Variants in CAMK2D observed in about 807,000 individuals in gnomAD.
CAMK2D encodes calcium/calmodulin-dependent protein kinase type II subunit delta.
Under a neutral mutation model 84.0 loss-of-function variants are expected in CAMK2D, and 37 were observed. The ratio of observed to expected loss-of-function variants is 0.44; its 90% confidence interval spans 0.34 to 0.58. CAMK2D has a LOEUF of 0.58. Among genes scored for constraint, CAMK2D ranks in the 20% least tolerant of loss-of-function variants. The pLI is 0.02. For missense variants in CAMK2D, 448 were observed against 652.5 expected (o/e 0.69, Z 3.41); for synonymous variants, 202 against 212.5 (o/e 0.95, Z 0.43).
At chr4:113,529,832 T>C (rs776854723) in intron 8 of CAMK2D, among the ~76,000 whole-genome samples, 9 of 152,182 alleles carry the variant, frequency 5.9e-5, no homozygotes, top group Admixed American at 1.3e-4. Context: ...AACATAATAC[T>C]TATTGGAAGG....
intron 4 of CAMK2D, among the ~76,000 whole-genome samples, chr4:113,601,996 C>T (rs1387871283): frequency 6.6e-6 from 1 of 152,040 alleles, no homozygotes; most frequent in Non-Finnish European, 1.5e-5. Context: ...TGTGCCCAGC[C>T]TCCTTCTTAA....
intron 6 of CAMK2D, among the ~76,000 whole-genome samples, chr4:113,543,525 T>A (rs2098545584): frequency 6.6e-6 from 1 of 152,006 alleles, no homozygotes; most frequent in Non-Finnish European, 1.5e-5. Context: ...CGGGCCTACA[T>A]ACATATTTTT....
intron 3 of CAMK2D, among the ~76,000 whole-genome samples, chr4:113,640,584 T>G (rs2099128762): frequency 6.6e-6 from 1 of 152,166 alleles, no homozygotes; most frequent in South Asian, 2.1e-4. Flanking sequence ...GTATGGAGCA[T>G]TCAACTATAG....
At chr4:113,619,014 C>T (rs577389303) in intron 3 of CAMK2D, among the ~76,000 whole-genome samples, 15 of 152,242 alleles carry the variant, frequency 9.9e-5, no homozygotes, top group Admixed American at 2.6e-4. Context: ...ACGTGTGGTG[C>T]ATTTGCTTGT....
At chr4:113,700,090 T>C (rs1005579447) in intron 2 of CAMK2D, among the ~76,000 whole-genome samples, 5 of 152,186 alleles carry the variant, frequency 3.3e-5, no homozygotes, top group East Asian at 1.9e-4. Context: ...GGCAACTAAA[T>C]TGAATTTATT....
chr4:113,613,577 G>A (rs1174671071), intron 3 of CAMK2D, among the ~76,000 whole-genome samples: 2 of 152,046 alleles, frequency 1.3e-5, no homozygotes, highest in African/African-American at 4.8e-5. Flanking sequence ...ATAATTTTGA[G>A]GGTACAGAGG....
At chr4:113,711,774 C>CT (rs2099493454) in intron 2 of CAMK2D, among the ~76,000 whole-genome samples, 1 of 152,172 alleles carries the variant, frequency 6.6e-6, no homozygotes, top group Non-Finnish European at 1.5e-5. Flanking sequence ...GCTTAGACTT[C>CT]ATTCTATGCT....
intron 2 of CAMK2D, among the ~76,000 whole-genome samples, chr4:113,746,801 G>C (rs1161510512): frequency 1.3e-5 from 2 of 151,660 alleles, no homozygotes; most frequent in Admixed American, 6.6e-5. Context: ...TACATTTAAG[G>C]AACAGGAGTG....
intron 15 of CAMK2D, among the ~76,000 whole-genome samples, chr4:113,502,085 A>T (rs954951798): frequency 1.3e-5 from 2 of 152,100 alleles, no homozygotes; most frequent in Non-Finnish European, 2.9e-5. Flanking sequence ...AAGATGCATG[A>T]CTATATCTAA....
chr4:113,733,917 G>T, intron 2 of CAMK2D, among the ~76,000 whole-genome samples: 2 of 152,112 alleles, frequency 1.3e-5, no homozygotes, highest in Non-Finnish European at 2.9e-5. Context: ...GTAAGCCAAA[G>T]GGTAGGCTAA....
chr4:113,579,860 T>C (rs1246103520), intron 4 of CAMK2D, among the ~76,000 whole-genome samples: 1 of 152,246 alleles, frequency 6.6e-6, no homozygotes, highest in African/African-American at 2.4e-5. Flanking sequence ...TTGAAATATT[T>C]ACTGAAAATA....
At position 113,582,745 on chromosome 4, in the gene CAMK2D, TGTATAAGG is replaced by T. The variant is rs965854622; in HGVS notation, c.275+26399_275+26406del. ...AGCTAGAACTTCATGAAACATGTAA[TGTATAAGG>T]GCTCAGGTGAAGCATCTCTGTACAG... On this transcript the variant is annotated intron_variant, in intron 4 of 20. Coordinates refer to ENST00000511664, the MANE Select transcript of CAMK2D (RefSeq NM_001321571.2). Among the ~76,000 whole-genome samples, 62 of 152,342 alleles carry T rather than the reference TGTATAAGG, an allele frequency of 4.1e-4. No individual in the cohort carries two copies. The Middle Eastern group carries it at 0.014, about 33-fold the overall frequency.
At chr4:113,590,182 C>G (rs932370923) in intron 4 of CAMK2D, among the ~76,000 whole-genome samples, 2 of 152,098 alleles carry the variant, frequency 1.3e-5, no homozygotes, top group African/African-American at 4.8e-5. Flanking sequence ...TAAACATTCA[C>G]TTTGGCTCAA....
At chr4:113,480,593 C>A (rs2097690093) in intron 16 of CAMK2D, among the ~76,000 whole-genome samples, 1 of 151,844 alleles carries the variant, frequency 6.6e-6, no homozygotes, top group African/African-American at 2.4e-5. Flanking sequence ...GTAATCCCAG[C>A]ACTTTGGGAG....
intron 2 of CAMK2D, among the ~76,000 whole-genome samples, chr4:113,683,866 G>A (rs1264975839): frequency 6.6e-6 from 1 of 152,196 alleles, no homozygotes; most frequent in African/African-American, 2.4e-5. Context: ...GATTCTGTGT[G>A]CAACACAATA....
intron 2 of CAMK2D, 141 bp from the exon 3 acceptor site, chr4:113,661,913 G>A (rs1160222132): frequency 1.7e-6 from 1 of 581,910 alleles, no homozygotes; most frequent in Non-Finnish European, 3.1e-6. Context: ...TTCAAATTTA[G>A]AATTAAGTGA....
At chr4:113,506,563 T>C (rs2098130212) in intron 13 of CAMK2D, among the ~76,000 whole-genome samples, 1 of 152,130 alleles carries the variant, frequency 6.6e-6, no homozygotes, top group African/African-American at 2.4e-5. Context: ...TCAGTATTTA[T>C]GTTAGTACAG....
chr4:113,509,526 T>G, intron 13 of CAMK2D, 112 bp downstream of exon 13: 1 of 712,158 alleles, frequency 1.4e-6, no homozygotes, highest in South Asian at 1.7e-5. Flanking sequence ...GCAACCTTTA[T>G]CAGAAACAAT....
At chr4:113,486,941 T>C (rs1451843766) in intron 16 of CAMK2D, among the ~76,000 whole-genome samples, 1 of 152,236 alleles carries the variant, frequency 6.6e-6, no homozygotes, top group Non-Finnish European at 1.5e-5. Context: ...TAGAATCATC[T>C]TTCTTTTCTA....
Sources: gnomAD v4.1 joint callset for allele counts (sites outside exome capture counted in the v4.1 genomes callset) on GRCh38, gnomAD v4.1.1 for gene constraint, MANE v1.5 for transcripts, NCBI Gene and HGNC (gene_info 2026-07-23, HGNC 2026-07-21) for gene names.